Variants in BRWD1 observed in about 807,000 individuals in gnomAD.
BRWD1 encodes the protein bromodomain and WD repeat domain containing 1.
A neutral mutation model predicts 251.2 loss-of-function variants in BRWD1; 82 were observed. The ratio of observed to expected loss-of-function variants is 0.33; its 90% CI spans 0.27 to 0.39. The LOEUF (loss-of-function observed/expected upper bound fraction) is 0.39. Ranked by LOEUF, BRWD1 falls within the 10% of genes least tolerant of loss-of-function variation. The probability of loss-of-function intolerance (pLI) is 1.00; values close to 1 mark genes in which losing one functional copy is unlikely to be tolerated. For missense variants in BRWD1, 2,233 were observed against 2,711.6 expected (o/e 0.82, Z 3.92); for synonymous variants, 918 against 902.8 (o/e 1.02, Z -0.30).
intron 4 of BRWD1, among the ~76,000 whole-genome samples, chr21:39,301,983 T>G (rs958311164): frequency 1.3e-4 from 18 of 135,572 alleles, no homozygotes; most frequent in Non-Finnish European, 2.5e-4. Flanking sequence ...TGTGTGTTTT[T>G]TTTTTTTTTT....
chr21:39,252,820 A>C (rs917244315), intron 19 of BRWD1, among the ~76,000 whole-genome samples: 1 of 152,126 alleles, frequency 6.6e-6, no homozygotes, highest in Non-Finnish European at 1.5e-5. Context: ...CTGGTCAATG[A>C]GTTATAAGCA....
At chr21:39,262,027 A>C (rs1283045232) in intron 17 of BRWD1, among the ~76,000 whole-genome samples, 3 of 152,240 alleles carry the variant, frequency 2.0e-5, no homozygotes. Flanking sequence ...TGGCTATATT[A>C]ATATGAAATA....
upstream of BRWD1, chr21:39,314,435 T>C (rs370932812): frequency 9.4e-6 from 4 of 425,886 alleles, no homozygotes; most frequent in Non-Finnish European, 1.9e-5. Context: ...AAAACGGGAC[T>C]GTGGGGAGAG....
Position 39,192,613 on chromosome 21 carries a change from T to TA in BRWD1, c.*3645dup. 1 of 984,072 alleles carries TA rather than the reference T, an allele frequency of 1.0e-6. No homozygotes were observed. The highest frequency in any genetic ancestry group is 1.2e-6 in the Non-Finnish European group (1 of 828,736). 61.0% of individuals were successfully genotyped at this position (984,072 alleles called of 1,614,324 possible). ...ACAGTATTTGGTGACAACTGCAAGATACCTGATAAATAAATATATCAACTT... is the reference window on the plus strand; with the variant it reads ...ACAGTATTTGGTGACAACTGCAAGATAACCTGATAAATAAATATATCAACTT... On this transcript the variant is annotated 3_prime_UTR_variant, in exon 41 of 41. Transcript: ENST00000342449.
intron 18 of BRWD1, among the ~76,000 whole-genome samples, chr21:39,256,382 T>C (rs1041491540): frequency 1.3e-5 from 2 of 152,244 alleles, no homozygotes; most frequent in African/African-American, 4.8e-5. Context: ...ATGATTCTCA[T>C]GATTCTCAAG....
At chr21:39,247,398 A>C in intron 21 of BRWD1, among the ~76,000 whole-genome samples, 1 of 152,226 alleles carries the variant, frequency 6.6e-6, no homozygotes, top group Non-Finnish European at 1.5e-5. Flanking sequence ...AAATCCAAAA[A>C]TCCAAAATCT....
rs1267299768 is a variant in BRWD1, at chr21:39,193,897, A to G, written c.*2362T>C. 1 of 985,376 alleles carries G rather than the reference A, an allele frequency of 1.0e-6. No homozygotes were observed. The highest frequency in any genetic ancestry group is 1.2e-6 in the Non-Finnish European group (1 of 829,678). The allele number at this position is 985,376 out of a possible 1,614,324, so 61.0% of individuals were successfully genotyped here. A position where few individuals can be genotyped will look rare whatever the true frequency, so the allele number is the denominator to read the frequency against. ...TAGGAGTGTGTGTGTCACATATTCAAAGTTAACCTTAGGAATAGCACCATA... is the reference window on the plus strand; with the variant it reads ...TAGGAGTGTGTGTGTCACATATTCAGAGTTAACCTTAGGAATAGCACCATA... On this transcript the variant is annotated 3_prime_UTR_variant, in exon 41 of 41. Coordinates refer to ENST00000342449, the MANE Select transcript of BRWD1 (RefSeq NM_033656.4).
chr21:39,220,665 A>C (rs2033140462), intron 29 of BRWD1, among the ~76,000 whole-genome samples: 1 of 152,222 alleles, frequency 6.6e-6, no homozygotes, highest in African/African-American at 2.4e-5. Context: ...CATATGTTAG[A>C]ATTAGCAAAG....
chr21:39,206,978 G>A (rs1450292214), intron 36 of BRWD1, among the ~76,000 whole-genome samples: 2 of 152,154 alleles, frequency 1.3e-5, no homozygotes, highest in African/African-American at 4.8e-5. Flanking sequence ...AGTGGATGGC[G>A]AAGACACTCC....
At chr21:39,211,091 G>T (rs6517528) in intron 34 of BRWD1, among the ~76,000 whole-genome samples, 162 bp from the exon 35 acceptor site, 1 of 152,196 alleles carries the variant, frequency 6.6e-6, no homozygotes, top group African/African-American at 2.4e-5. Flanking sequence ...TGCATGAAAC[G>T]TAAGTTATTT....
At position 39,189,533 on chromosome 21, in the gene BRWD1, A is replaced by G; in HGVS notation, c.*6726T>C. The G allele has an allele frequency of 1.0e-6, 1 of 983,062 alleles. No individual in the cohort carries two copies. The highest frequency in any genetic ancestry group is 1.2e-6 in the Non-Finnish European group (1 of 827,786). 60.9% of individuals were successfully genotyped at this position (983,062 alleles called of 1,614,324 possible). A position where few individuals can be genotyped will look rare whatever the true frequency, so the allele number is the denominator to read the frequency against. The stretch of plus-strand genomic sequence containing the variant: ...TTAAAAAATACTTAAGGAAATTTGA[A>G]CTTCAGTAACTATGCCCAAGGGAGG... On this transcript the variant is annotated 3_prime_UTR_variant, in exon 41 of 41. Coordinates refer to ENST00000342449, the MANE Select transcript of BRWD1 (RefSeq NM_033656.4).
intron 21 of BRWD1, among the ~76,000 whole-genome samples, chr21:39,246,514 C>T (rs548692248): frequency 8.5e-5 from 13 of 152,174 alleles, no homozygotes; most frequent in African/African-American, 2.7e-4. Context: ...CCTAGCGTGA[C>T]CCAAAAGAAA....
chr21:39,303,456 T>G (rs866269272), intron 4 of BRWD1, among the ~76,000 whole-genome samples: 9 of 140,008 alleles, frequency 6.4e-5, no homozygotes, highest in Non-Finnish European at 3.1e-5. Context: ...GAGGCAGAGG[T>G]TGCAGTAAGC....
rs372197342 is a variant in BRWD1 at position 39,313,303 on chromosome 21, C to A, written c.50-4G>T. 1 of 1,536,956 alleles carries A rather than the reference C, an allele frequency of 6.5e-7. No individual in the cohort carries two copies. The highest frequency in any genetic ancestry group is 2.5e-5 in the East Asian group (1 of 39,672). ...CGGGCGATAAGGAAGTACAGCTCTGCGGGAAGACAAGGAGTCAGGTCAAGC... is the reference window on the plus strand; with the variant it reads ...CGGGCGATAAGGAAGTACAGCTCTGAGGGAAGACAAGGAGTCAGGTCAAGC... On this transcript the variant is annotated splice_polypyrimidine_tract_variant and splice_region_variant and intron_variant, in intron 1 of 40. Coordinates refer to ENST00000342449, the MANE Select transcript of BRWD1 (RefSeq NM_033656.4).
At chr21:39,316,831 AAGAGGC>A (rs2036703711), upstream of BRWD1, among the ~76,000 whole-genome samples, 1 of 151,126 alleles carries the variant, frequency 6.6e-6, no homozygotes, top group South Asian at 2.1e-4. Context: ...CCAGCTACTT[AAGAGGC>A]TGAGGCATGA....
At chr21:39,296,407 C>A (rs1035147398) in intron 5 of BRWD1, 44 bp from the exon 6 acceptor site, 11 of 1,502,522 alleles carry the variant, frequency 7.3e-6, no homozygotes, top group South Asian at 1.4e-5. Context: ...TGAAAGTTAA[C>A]CCCAAGAAAG....
intron 22 of BRWD1, 144 bp from the exon 23 acceptor site, chr21:39,236,928 C>T: frequency 1.6e-6 from 1 of 636,594 alleles, no homozygotes. Flanking sequence ...ATTCTCCCCT[C>T]ACTACCAGCA....
intron 7 of BRWD1, 119 bp from the exon 8 acceptor site, chr21:39,294,151 CTT>C (rs1475883104): frequency 2.3e-5 from 17 of 741,266 alleles, no homozygotes; most frequent in Non-Finnish European, 3.5e-5. Flanking sequence ...AGAATACTCT[CTT>C]ATTTATGTAA....
chr21:39,229,358 T>C lies in BRWD1; in HGVS notation c.3079A>G (p.Ile1027Val), dbSNP rs2033515264. Residue 1027 changes from isoleucine to valine, a missense_variant, in exon 26 of 41, where the codon ATA (isoleucine) becomes GTA (valine). This residue lies in a region of BRWD1 where 139 missense variants were observed against 272.8 expected (regional missense o/e 0.51). Coordinates refer to ENST00000342449, the MANE Select transcript of BRWD1 (RefSeq NM_033656.4). ...PTLCCLKLAFIDPATGKLMDK... is the reference protein window; with the variant it reads ...PTLCCLKLAFVDPATGKLMDK... The stretch of plus-strand genomic sequence containing the variant: ...ATAAGTTTTCCAGTTGCTGGATCTA[T>C]AAATGCTAGTTTTAGGCAACAGAGT... 2 of 1,607,154 alleles carry C rather than the reference T, an allele frequency of 1.2e-6. No homozygotes were observed. The highest frequency in any genetic ancestry group is 1.3e-5 in the African/African-American group (1 of 74,876).
Sources: allele counts gnomAD v4.1 joint callset (sites outside exome capture counted in the v4.1 genomes callset), GRCh38; gene constraint gnomAD v4.1.1; regional missense constraint gnomAD v4.1.1; transcripts MANE v1.5; gene names NCBI Gene and HGNC (gene_info 2026-07-23, HGNC 2026-07-21).